Variants in ASPRV1 observed in about 807,000 individuals in gnomAD.
ASPRV1 encodes aspartic peptidase retroviral like 1.
A neutral mutation model predicts 11.0 loss-of-function variants in ASPRV1; 7 were observed. The observed-to-expected ratio is 0.64, with a 90% CI of 0.36 to 1.20. The LOEUF is 1.20. Ranked by LOEUF, ASPRV1 falls within the 50% of genes most tolerant of loss-of-function variation. The probability of loss-of-function intolerance (pLI) is 0.02; values close to 1 mark genes in which losing one functional copy is unlikely to be tolerated. For missense variants in ASPRV1, 299 were observed against 320.0 expected, an observed-to-expected ratio of 0.93 and a Z score of 0.50; for synonymous variants, 136 against 138.4, an observed-to-expected ratio of 0.98 and a Z score of 0.12.
chr2:69,937,359 C>T, the ASPRV1 span: 1 of 1,613,626 alleles, frequency 6.2e-7, no homozygotes, highest in Non-Finnish European at 8.5e-7. Context: ...AGCATCGGCT[C>T]CACCGTCTCC....
the ASPRV1 span, chr2:70,069,149 T>G: frequency 0.15 from 23,118 of 152,082 alleles, 2,731 homozygotes; most frequent in East Asian, 0.3. Context: ...AATTAATCTG[T>G]ATCACAGCCT....
chr2:70,028,168 C>T, the ASPRV1 span, among the ~76,000 whole-genome samples: 1 of 152,180 alleles, frequency 6.6e-6, no homozygotes, highest in African/African-American at 2.4e-5. Flanking sequence ...AGGCTGGGTG[C>T]AGCTAGAACC....
chr2:69,967,905 AC>A, the ASPRV1 span, among the ~76,000 whole-genome samples: 1 of 151,640 alleles, frequency 6.6e-6, no homozygotes, highest in Non-Finnish European at 1.5e-5. Flanking sequence ...ACATGGTGAA[AC>A]CCTGGCTCTA....
the ASPRV1 span, chr2:69,996,808 C>T: frequency 2.2e-6 from 1 of 446,762 alleles, no homozygotes; most frequent in South Asian, 1.6e-5. Flanking sequence ...CAGATACTGT[C>T]CCTAACCGGA....
chr2:70,026,686 T>A, the ASPRV1 span, among the ~76,000 whole-genome samples: 1 of 151,708 alleles, frequency 6.6e-6, no homozygotes, highest in Non-Finnish European at 1.5e-5. Context: ...AAAACAATGA[T>A]GAAAGAAATT....
chr2:70,004,246 G>A, the ASPRV1 span, among the ~76,000 whole-genome samples: 1 of 152,064 alleles, frequency 6.6e-6, no homozygotes, highest in Non-Finnish European at 1.5e-5. Context: ...TAAGAGGTGG[G>A]GTAAGCCAGG....
chr2:69,979,476 G>A, the ASPRV1 span, among the ~76,000 whole-genome samples: 1 of 152,208 alleles, frequency 6.6e-6, no homozygotes, highest in African/African-American at 2.4e-5. Context: ...AGGAGGAACT[G>A]GGGAGTGGGA....
At chr2:70,027,641 A>T in the ASPRV1 span, among the ~76,000 whole-genome samples, 1 of 152,226 alleles carries the variant, frequency 6.6e-6, no homozygotes. Context: ...AGCACAAAAA[A>T]GGTGATCTCA....
At chr2:70,013,559 A>AT in the ASPRV1 span, among the ~76,000 whole-genome samples, 1 of 152,166 alleles carries the variant, frequency 6.6e-6, no homozygotes, top group Non-Finnish European at 1.5e-5. Flanking sequence ...TATTATCTAC[A>AT]TTTTTTTGTT....
the ASPRV1 span, chr2:69,993,671 TA>T: frequency 6.6e-6 from 1 of 152,194 alleles, no homozygotes; most frequent in Non-Finnish European, 1.5e-5. Flanking sequence ...CCTTTGAAAA[TA>T]AATCTTCCTA....
the ASPRV1 span, among the ~76,000 whole-genome samples, chr2:69,999,790 C>T: frequency 5.2e-4 from 79 of 151,808 alleles, no homozygotes; most frequent in Admixed American, 5.2e-4. Context: ...CCCACCCCCA[C>T]CACTCCCCTT....
chr2:69,986,172 C>A, the ASPRV1 span, among the ~76,000 whole-genome samples: 1 of 152,158 alleles, frequency 6.6e-6, no homozygotes, highest in Non-Finnish European at 1.5e-5. Flanking sequence ...GTAAGCAAGG[C>A]GTCTAATATG....
the ASPRV1 span, among the ~76,000 whole-genome samples, chr2:69,981,740 G>A: frequency 6.6e-6 from 1 of 152,118 alleles, no homozygotes; most frequent in Admixed American, 6.5e-5. Context: ...TGTATTTTTA[G>A]TAGAGATGAG....
the ASPRV1 span, among the ~76,000 whole-genome samples, chr2:70,001,206 T>C: frequency 1.3e-5 from 2 of 152,122 alleles, no homozygotes; most frequent in Non-Finnish European, 2.9e-5. Context: ...TTTGTTTGAA[T>C]ATATTAATAT....
chr2:69,948,192 G>A, the ASPRV1 span, among the ~76,000 whole-genome samples: 1 of 152,074 alleles, frequency 6.6e-6, no homozygotes, highest in African/African-American at 2.4e-5. Context: ...AGGCTGCAGT[G>A]AGTCACGATT....
the ASPRV1 span, chr2:69,938,883 C>A: frequency 6.5e-6 from 1 of 152,866 alleles, no homozygotes. Flanking sequence ...AGCAGTATTT[C>A]TCACTTTAAA....
the ASPRV1 span, among the ~76,000 whole-genome samples, chr2:70,074,257 A>C: frequency 6.6e-6 from 1 of 151,042 alleles, no homozygotes; most frequent in South Asian, 2.1e-4. Context: ...AGAACATCAG[A>C]GTTCAAAGAG....
At chr2:69,985,024 T>G in the ASPRV1 span, among the ~76,000 whole-genome samples, 47 of 152,128 alleles carry the variant, frequency 3.1e-4, no homozygotes, top group African/African-American at 1.1e-3. Flanking sequence ...GCCCAGCTAA[T>G]TTTTTGTATT....
the ASPRV1 span, chr2:70,050,519 C>A: frequency 6.6e-6 from 1 of 151,712 alleles, no homozygotes; most frequent in Non-Finnish European, 1.5e-5. Context: ...TTCTGACTAC[C>A]TAAAAATGTA....
Sources: allele counts gnomAD v4.1 joint callset (sites outside exome capture counted in the v4.1 genomes callset), GRCh38; gene constraint gnomAD v4.1.1; transcripts MANE v1.5; gene names NCBI Gene and HGNC (gene_info 2026-07-23, HGNC 2026-07-21).